F8: variants seen among roughly 807,000 people sequenced by gnomAD.
F8 encodes the protein coagulation factor VIII.
Under a neutral mutation model 140.6 loss-of-function variants are expected in F8, and 12 were observed. The ratio of observed to expected loss-of-function variants is 0.09; its 90% CI spans 0.05 to 0.14. The LOEUF (loss-of-function observed/expected upper bound fraction) is 0.14. F8 is among the 10% of genes least tolerant of loss of function. The pLI is 1.00. For synonymous variants in F8, 585 were observed against 614.6 expected, an observed-to-expected ratio of 0.95 and a Z score of 0.71; for missense variants, 1,354 against 1,720.7, an observed-to-expected ratio of 0.79 and a Z score of 3.77.
chrX:154,859,948 C>T (rs1387470776), intron 25 of F8, among the ~76,000 whole-genome samples: 1 of 111,237 alleles, frequency 9.0e-6, no homozygotes, highest in Non-Finnish European at 1.9e-5. Flanking sequence ...CTTAAAGAGC[C>T]AAGTGGCAAG....
intron 6 of F8, among the ~76,000 whole-genome samples, chrX:154,980,678 G>A (rs1307448802): frequency 8.9e-6 from 1 of 112,020 alleles, no homozygotes; most frequent in Non-Finnish European, 1.9e-5. Context: ...ATTGAGTGGG[G>A]CTGAGTGTGG....
At chrX:155,002,076 G>A (rs1156636810) in intron 1 of F8, among the ~76,000 whole-genome samples, 1 of 112,438 alleles carries the variant, frequency 8.9e-6, no homozygotes, top group Non-Finnish European at 1.9e-5. Context: ...CCCAATATAA[G>A]TGGAATCATA....
chrX:154,961,973 T>C (rs1216080226), intron 9 of F8, among the ~76,000 whole-genome samples: 1 of 111,529 alleles, frequency 9.0e-6, no homozygotes, highest in African/African-American at 3.3e-5. Flanking sequence ...CTGTGTCCTC[T>C]GTTTCATCTT....
At chrX:155,017,372 G>A (rs1371270996) in intron 1 of F8, among the ~76,000 whole-genome samples, 1 of 112,232 alleles carries the variant, frequency 8.9e-6, no homozygotes, top group Non-Finnish European at 1.9e-5. Flanking sequence ...CAGTAAATGG[G>A]TCTGTCATAA....
chrX:154,855,594 T>C (rs185188369), intron 25 of F8, among the ~76,000 whole-genome samples: 6 of 111,468 alleles, frequency 5.4e-5, no homozygotes, highest in Middle Eastern at 4.6e-3. Flanking sequence ...CTCCTAAATA[T>C]TGATGAGTCT....
chrX:154,918,122 TC>T (rs782366772), intron 14 of F8, among the ~76,000 whole-genome samples: 1 of 111,988 alleles, frequency 8.9e-6, no homozygotes, highest in South Asian at 3.7e-4. Flanking sequence ...GATTACTGCC[TC>T]TTTTTTGGCA....
intron 6 of F8, among the ~76,000 whole-genome samples, chrX:154,984,017 G>T (rs2073543871): frequency 8.9e-6 from 1 of 111,772 alleles, no homozygotes; most frequent in South Asian, 3.8e-4. Flanking sequence ...TGAGTTGAGG[G>T]GAGATTTTCC....
chrX:154,859,780 A>C (rs1416410376), intron 25 of F8, among the ~76,000 whole-genome samples: 2 of 111,456 alleles, frequency 1.8e-5, no homozygotes, highest in Non-Finnish European at 3.8e-5. Context: ...CTTGGACATG[A>C]TGTTTACCTG....
rs1185466045 is a variant in F8, at chrX:154,955,165, C to CTTTTT, written c.1753-1128_1753-1124dup. 1.3e-3 allele frequency among the ~76,000 whole-genome samples: 47 copies of CTTTTT among 36,077 alleles called. 8 individuals are homozygous for CTTTTT. The highest frequency in any genetic ancestry group is 1.9e-3 in the African/African-American group (16 of 8,458). 31.3% of individuals were successfully genotyped at this position (36,077 alleles called of 115,157 possible). A position where few individuals can be genotyped will look rare whatever the true frequency, so the allele number is the denominator to read the frequency against. On this transcript the variant is annotated intron_variant, in intron 11 of 25. Coordinates refer to ENST00000360256, the MANE Select transcript of F8 (RefSeq NM_000132.4). Reference sequence around the variant, plus strand: ...GTTTTGCCCAAAAGTATTTATTAAGCTTTTTTTTTTTTTTTTTTTTTTTTT... The same window carrying CTTTTT: ...GTTTTGCCCAAAAGTATTTATTAAGCTTTTTTTTTTTTTTTTTTTTTTTTTTTTTT...
intron 25 of F8, among the ~76,000 whole-genome samples, chrX:154,844,222 C>T (rs5987044): frequency 0.012 from 1,356 of 111,406 alleles, 24 homozygotes; most frequent in African/African-American, 0.042. Flanking sequence ...AGTCAGGTAG[C>T]GTGATGCCTC....
intron 22 of F8, among the ~76,000 whole-genome samples, chrX:154,873,292 T>C (rs2072788941): frequency 9.2e-6 from 1 of 108,296 alleles, no homozygotes; most frequent in Non-Finnish European, 1.9e-5. Flanking sequence ...AGTGGTGCGA[T>C]CTTGGCTCAC....
chrX:154,968,663 A>G (rs2073438124), intron 7 of F8, among the ~76,000 whole-genome samples: 1 of 111,948 alleles, frequency 8.9e-6, no homozygotes, highest in Non-Finnish European at 1.9e-5. Context: ...ATTTGCTTAC[A>G]CAGAACCTTT....
At chrX:154,881,088 GTCCTCTCTGTTCTATTCTCCACACACAA>G (rs1557274393) in intron 22 of F8, among the ~76,000 whole-genome samples, 1 of 84,348 alleles carries the variant, frequency 1.2e-5, no homozygotes, top group East Asian at 3.5e-4. Flanking sequence ...TCCAATCTCA[GTCCTCTCTGTTCTATTCTCCACACACAA>G]TCCTCTCTGT....
chrX:154,848,563 C>T (rs1401766496), intron 25 of F8, among the ~76,000 whole-genome samples: 1 of 112,316 alleles, frequency 8.9e-6, no homozygotes, highest in African/African-American at 3.2e-5. Flanking sequence ...AGCGAGGCTC[C>T]GTGGGTGTGG....
chrX:154,942,460 A>T (rs1557279897), intron 13 of F8, among the ~76,000 whole-genome samples: 1 of 109,580 alleles, frequency 9.1e-6, no homozygotes, highest in South Asian at 3.9e-4. Flanking sequence ...TCCCAAGACT[A>T]AACCAGGAAG....
chrX:154,838,136 A>G (rs2072489599), intron 25 of F8, among the ~76,000 whole-genome samples: 1 of 112,557 alleles, frequency 8.9e-6, no homozygotes, highest in African/African-American at 3.2e-5. Context: ...AGAAAATGGT[A>G]GCTATCGTTA....
intron 11 of F8, among the ~76,000 whole-genome samples, chrX:154,956,360 G>A (rs1207481276): frequency 8.9e-6 from 1 of 112,247 alleles, no homozygotes; most frequent in Non-Finnish European, 1.9e-5. Context: ...AGTAAAGACA[G>A]GCATAGGAAA....
Position 154,860,557 on chromosome X carries a change from C to G in F8, c.6775G>C (p.Val2259Leu). Residue 2259 changes from valine (V) to leucine (L), a missense_variant, in exon 25 of 26, where the codon GTC becomes CTC. Around this residue, in one of 4 missense-constraint regions of F8, gnomAD observed 316 missense variants for 485.4 expected, o/e 0.65. Coordinates refer to ENST00000360256, the MANE Select transcript of F8 (RefSeq NM_000132.4). ...LQVDFQKTMK[V>L]TGVTTQGVKS... ...ACTCCCTGAGTAGTTACTCCTGTGACTTTCATTGTCTTCTGGAAGTCCACT... is the reference window on the plus strand; with the variant it reads ...ACTCCCTGAGTAGTTACTCCTGTGAGTTTCATTGTCTTCTGGAAGTCCACT... 8.3e-7 allele frequency: 1 copy of G among 1,211,486 alleles called. No homozygotes were observed. Among genetic ancestry groups the G allele is most frequent in the Admixed American group, 2.2e-5 (1 of 45,992 alleles).
chrX:154,857,118 C>T (rs1473151702), intron 25 of F8, among the ~76,000 whole-genome samples: 1 of 112,034 alleles, frequency 8.9e-6, no homozygotes, highest in Admixed American at 9.4e-5. Context: ...CTGTAATCCT[C>T]TGTGAATAAC....
Sources: gnomAD v4.1 joint callset for allele counts (sites outside exome capture counted in the v4.1 genomes callset) on GRCh38, gnomAD v4.1.1 for gene constraint, gnomAD v4.1.1 regional missense constraint, MANE v1.5 for transcripts, NCBI Gene and HGNC (gene_info 2026-07-23, HGNC 2026-07-21) for gene names.